The following FYN variants were observed in gnomAD, a reference collection of about 807,000 sequenced individuals.
FYN encodes the protein tyrosine-protein kinase Fyn.
Under a neutral mutation model 70.2 loss-of-function variants are expected in FYN, and 10 were observed. The ratio of observed to expected loss-of-function variants is 0.14; its 90% confidence interval spans 0.09 to 0.24. The LOEUF (loss-of-function observed/expected upper bound fraction) is 0.24. Among genes scored for constraint, FYN ranks in the 10% least tolerant of loss-of-function variants. FYN has a pLI of 1.00. For synonymous variants in FYN, 236 were observed against 248.6 expected (o/e 0.95, Z 0.48); for missense variants, 319 against 673.1 (o/e 0.47, Z 5.82).
chr6:111,835,633 T>A (rs1258333955), intron 2 of FYN, among the ~76,000 whole-genome samples: 2 of 152,162 alleles, frequency 1.3e-5, no homozygotes, highest in Non-Finnish European at 2.9e-5. Flanking sequence ...ACATTTGATT[T>A]TTTTTTAGAT....
intron 3 of FYN, among the ~76,000 whole-genome samples, chr6:111,774,219 GC>G (rs1803617519): frequency 6.6e-6 from 1 of 152,224 alleles, no homozygotes; most frequent in Admixed American, 6.5e-5. Context: ...GATGCCTGGG[GC>G]AGCAATCGCA....
chr6:111,859,964 T>TG (rs1233260261), intron 1 of FYN, among the ~76,000 whole-genome samples: 1 of 152,146 alleles, frequency 6.6e-6, no homozygotes, highest in African/African-American at 2.4e-5. Context: ...TGCAATGACA[T>TG]GCAGAGGAAA....
chr6:111,740,091 G>A (rs994677852), intron 3 of FYN, among the ~76,000 whole-genome samples: 1 of 152,084 alleles, frequency 6.6e-6, no homozygotes, highest in African/African-American at 2.4e-5. Flanking sequence ...AAAGTGCTGG[G>A]AGTATCTCAC....
At chr6:111,683,107 C>A (rs1798844638) in intron 12 of FYN, among the ~76,000 whole-genome samples, 1 of 152,244 alleles carries the variant, frequency 6.6e-6, no homozygotes, top group Non-Finnish European at 1.5e-5. Flanking sequence ...CCTGGGAAAA[C>A]CAAGCACAGG....
chr6:111,688,753 A>C (rs1338925780), intron 12 of FYN, among the ~76,000 whole-genome samples: 1 of 152,206 alleles, frequency 6.6e-6, no homozygotes, highest in Non-Finnish European at 1.5e-5. Flanking sequence ...TAAAAACAAG[A>C]GAGGCAGCGC....
At chr6:111,706,133 T>C (rs1800081576) in intron 6 of FYN, among the ~76,000 whole-genome samples, 1 of 152,198 alleles carries the variant, frequency 6.6e-6, no homozygotes, top group South Asian at 2.1e-4. Context: ...ACCTCAAGAC[T>C]TTTGTTATTT....
chr6:111,872,306 G>A (rs978313245), intron 1 of FYN, among the ~76,000 whole-genome samples: 2 of 151,364 alleles, frequency 1.3e-5, no homozygotes, highest in African/African-American at 4.9e-5. Context: ...ATCCAGCGAG[G>A]GAGCCGGAAA....
rs1485674830 is a variant in FYN, at chr6:111,660,545, CTTT to C, written c.*1191_*1193del. ...ACAAACAGCAACTAAAAATGTAATA[CTTT>C]TTTGTTTTTGTGCATCCCCATGAAA... On this transcript the variant is annotated 3_prime_UTR_variant, in exon 14 of 14. Transcript: ENST00000354650. 6.6e-6 allele frequency: 1 copy of C among 152,114 alleles called. No individual in the cohort carries two copies. Among genetic ancestry groups the C allele is most frequent in the Non-Finnish European group, 1.5e-5 (1 of 68,028 alleles). 9.4% of individuals were successfully genotyped at this position (152,114 alleles called of 1,614,324 possible). A position where few individuals can be genotyped will look rare whatever the true frequency, so the allele number is the denominator to read the frequency against.
At chr6:111,771,901 A>G (rs921518922) in intron 3 of FYN, among the ~76,000 whole-genome samples, 1 of 151,954 alleles carries the variant, frequency 6.6e-6, no homozygotes, top group African/African-American at 2.4e-5. Flanking sequence ...TCAGGCAGGC[A>G]CTTGTGGCCT....
At chr6:111,799,420 T>C (rs998242185) in intron 2 of FYN, among the ~76,000 whole-genome samples, 4 of 152,204 alleles carry the variant, frequency 2.6e-5, no homozygotes, top group Non-Finnish European at 4.4e-5. Context: ...GGGATGTGCC[T>C]AGTTGAGATG....
rs556710778 is a variant in FYN, at chr6:111,868,043, A to G, written c.-123+4925T>C. Among the ~76,000 whole-genome samples the G allele has an allele frequency of 8.6e-5, 13 of 151,910 alleles. No homozygotes were observed. In the South Asian group the frequency reaches 2.5e-3, roughly 29 times the overall value. Reference sequence around the variant, plus strand: ...CTTTCTGGGACAGGGAGCTTCCCACAACACTCACCTAGCCATCTCTACTCA... The same window carrying G: ...CTTTCTGGGACAGGGAGCTTCCCACGACACTCACCTAGCCATCTCTACTCA... On this transcript the variant is annotated intron_variant, in intron 1 of 13. Coordinates refer to ENST00000354650, the MANE Select transcript of FYN (RefSeq NM_002037.5).
At chr6:111,767,767 G>T (rs960744712) in intron 3 of FYN, among the ~76,000 whole-genome samples, 2 of 152,188 alleles carry the variant, frequency 1.3e-5, no homozygotes, top group East Asian at 3.8e-4. Context: ...TTTGTTAGAA[G>T]AGAGACAAAA....
In FYN at chr6:111,811,279, G is replaced by T. The variant is rs920632501; in HGVS notation, c.-81-30644C>A. On this transcript the variant is annotated intron_variant, in intron 2 of 13. Coordinates refer to ENST00000354650, the MANE Select transcript of FYN (RefSeq NM_002037.5). The stretch of plus-strand genomic sequence containing the variant: ...GAAACAAACAGACTTTAATTTTACA[G>T]AAGCCATCAAGTTTAGAGGAAACTT... 1.3e-5 allele frequency among the ~76,000 whole-genome samples: 2 copies of T among 152,206 alleles called. 1 individual carries two copies. The highest frequency in any genetic ancestry group is 3.8e-4 in the East Asian group (2 of 5,200).
chr6:111,849,699 C>A (rs923937414), intron 1 of FYN, among the ~76,000 whole-genome samples: 2 of 152,078 alleles, frequency 1.3e-5, no homozygotes. Flanking sequence ...AGGAAAGGGC[C>A]GAAAAAGAAA....
At chr6:111,774,227 C>T (rs1803617771) in intron 3 of FYN, among the ~76,000 whole-genome samples, 2 of 152,210 alleles carry the variant, frequency 1.3e-5, no homozygotes, top group East Asian at 1.9e-4. Flanking sequence ...GGGCAGCAAT[C>T]GCATGACCTG....
At chr6:111,839,608 T>C (rs1436205290) in intron 2 of FYN, among the ~76,000 whole-genome samples, 2 of 152,002 alleles carry the variant, frequency 1.3e-5, no homozygotes, top group Non-Finnish European at 2.9e-5. Flanking sequence ...AAGAGCCATG[T>C]TTTCAAAAAG....
intron 13 of FYN, among the ~76,000 whole-genome samples, chr6:111,664,030 G>A (rs1244335488): frequency 6.6e-6 from 1 of 152,118 alleles, no homozygotes; most frequent in Non-Finnish European, 1.5e-5. Context: ...ACCTCATCTG[G>A]CCACAAAACC....
chr6:111,825,740 G>A (rs1046756527), intron 2 of FYN, among the ~76,000 whole-genome samples: 29 of 152,140 alleles, frequency 1.9e-4, no homozygotes, highest in Admixed American at 1.9e-3. Context: ...AGGTGGGAGA[G>A]CAGGTGGGCC....
intron 3 of FYN, among the ~76,000 whole-genome samples, chr6:111,772,792 T>A (rs1159856454): frequency 2.3e-5 from 3 of 128,926 alleles, no homozygotes; most frequent in Non-Finnish European, 4.6e-5. Context: ...ATATAATGAA[T>A]GAAGGAAAAG....
Sources: gnomAD v4.1 joint callset for allele counts (sites outside exome capture counted in the v4.1 genomes callset) on GRCh38, gnomAD v4.1.1 for gene constraint, MANE v1.5 for transcripts, NCBI Gene and HGNC (gene_info 2026-07-23, HGNC 2026-07-21) for gene names.